The following TREH variants were observed in gnomAD, a reference collection of about 807,000 sequenced individuals.
TREH encodes the protein trehalase, also known as alpha,alpha-trehalose glucohydrolase.
Under a neutral mutation model 80.5 loss-of-function variants are expected in TREH, and 69 were observed. The ratio of observed to expected loss-of-function variants is 0.86; its 90% confidence interval spans 0.71 to 1.05. TREH has a LOEUF of 1.05. TREH is among the 50% of genes least tolerant of loss of function. The pLI is 0.00. For missense variants in TREH, 716 were observed against 718.8 expected (o/e 1.00, Z 0.04); for synonymous variants, 309 against 293.5 (o/e 1.05, Z -0.54).
chr11:118,659,329 C>A (rs782087146), intron 12 of TREH, 41 bp downstream of exon 12: 1 of 1,478,990 alleles, frequency 6.8e-7, no homozygotes, highest in South Asian at 1.3e-5. Context: ...ACCTCTACAC[C>A]CTGGGAAGGG....
In TREH at chr11:118,659,221, TAA is replaced by T. The variant is rs1304734828; in HGVS notation, c.1432+147_1432+148del. 7.2e-6 allele frequency: 6 copies of T among 828,762 alleles called. No homozygotes were observed. In the African/African-American group the frequency reaches 1.0e-4, roughly 14 times the overall value. The allele number at this position is 828,762 out of a possible 1,614,324, so 51.3% of individuals were successfully genotyped here. A position where few individuals can be genotyped will look rare whatever the true frequency, so the allele number is the denominator to read the frequency against. On this transcript the variant is annotated intron_variant, in intron 12 of 14. Transcript: ENST00000264029. ...TTGCACTGGACAGGCTGGGTGGACATAAGTGTCAAGTGGAGGCCAGGAGAGCA... is the reference window on the plus strand; with the variant it reads ...TTGCACTGGACAGGCTGGGTGGACATGTGTCAAGTGGAGGCCAGGAGAGCA...
intron 1 of TREH, among the ~76,000 whole-genome samples, chr11:118,677,679 T>C (rs1205685348): frequency 2.6e-5 from 4 of 152,120 alleles, no homozygotes; most frequent in African/African-American, 9.7e-5. Flanking sequence ...GAGCCGAGAT[T>C]GCACCACTGC....
rs1555145361 is a variant in TREH, at chr11:118,663,356, G to A, written c.173C>T (p.Pro58Leu). ...YQDDKQFVDM[P>L]LSIAPEQVLQ... Reference sequence around the variant, plus strand: ...TGCTTCACCTGGAGCTATAGACAGTGGCATGTCCACAAACTGCTTGTCATC... The same window carrying A: ...TGCTTCACCTGGAGCTATAGACAGTAGCATGTCCACAAACTGCTTGTCATC... The change falls in exon 2 of 15, where the codon CCA (proline) becomes CTA (leucine). Residue 58 changes from proline to leucine, a missense_variant. Physicochemically the swap from Pro to Leu is moderately conservative, Grantham distance 98. Transcript: ENST00000264029. 1 of 1,593,670 alleles carries A rather than the reference G, an allele frequency of 6.3e-7. No individual in the cohort carries two copies. Among genetic ancestry groups the A allele is most frequent in the Non-Finnish European group, 8.5e-7 (1 of 1,170,004 alleles).
At chr11:118,673,335 G>A (rs146977986) in intron 1 of TREH, among the ~76,000 whole-genome samples, 1 of 152,254 alleles carries the variant, frequency 6.6e-6, no homozygotes, top group African/African-American at 2.4e-5. Context: ...GTCTACTCTT[G>A]TCAGGACCCA....
chr11:118,667,008 G>A (rs868951411), intron 1 of TREH, among the ~76,000 whole-genome samples: 42 of 151,736 alleles, frequency 2.8e-4, no homozygotes, highest in African/African-American at 9.9e-4. Flanking sequence ...TCAGCCTCCC[G>A]AGTAGCTGGG....
chr11:118,667,071 G>A (rs1949384610), intron 1 of TREH, among the ~76,000 whole-genome samples: 1 of 151,954 alleles, frequency 6.6e-6, no homozygotes, highest in African/African-American at 2.4e-5. Flanking sequence ...TAATAGAGAT[G>A]GGGTTTCTCT....
At chr11:118,677,441 C>T (rs962238501) in intron 1 of TREH, among the ~76,000 whole-genome samples, 4 of 152,114 alleles carry the variant, frequency 2.6e-5, no homozygotes, top group African/African-American at 7.2e-5. Context: ...AAACCATAAT[C>T]AAGGCTGGGC....
chr11:118,665,436 G>A (rs1312704581), intron 1 of TREH, among the ~76,000 whole-genome samples: 2 of 152,040 alleles, frequency 1.3e-5, no homozygotes, highest in Admixed American at 1.3e-4. Flanking sequence ...TCAGGAGAAC[G>A]AGACCTTCCT....
At chr11:118,664,447 C>T (rs1949358393) in intron 1 of TREH, among the ~76,000 whole-genome samples, 1 of 152,216 alleles carries the variant, frequency 6.6e-6, no homozygotes, top group African/African-American at 2.4e-5. Flanking sequence ...CAGTGAAAAA[C>T]TGAACTATTA....
At chr11:118,660,937 C>A in intron 8 of TREH, 22 bp from the exon 9 acceptor site, 1 of 1,565,112 alleles carries the variant, frequency 6.4e-7, no homozygotes. Context: ...GAGAGGTGGG[C>A]AGCCTGGCAC....
At chr11:118,664,311 A>C (rs1949356684) in intron 1 of TREH, among the ~76,000 whole-genome samples, 1 of 152,208 alleles carries the variant, frequency 6.6e-6, no homozygotes, top group Admixed American at 6.5e-5. Context: ...AGGTAAGAAC[A>C]AATCACCTCA....
chr11:118,676,365 C>G (rs1949478804), intron 1 of TREH, among the ~76,000 whole-genome samples: 1 of 152,162 alleles, frequency 6.6e-6, no homozygotes. Flanking sequence ...CCTAGCTATT[C>G]AGGAGGCCAA....
chr11:118,664,844 C>A (rs782303868), intron 1 of TREH, among the ~76,000 whole-genome samples: 1 of 152,204 alleles, frequency 6.6e-6, no homozygotes, highest in Admixed American at 6.5e-5. Flanking sequence ...CACAGTGGCT[C>A]ATGCCTGTAA....
At position 118,674,677 on chromosome 11, in the gene TREH, G is replaced by T. The variant is rs2137286902; in HGVS notation, c.89+4862C>A. ...CCTGCCTCAGCCTCCTGAGTAGATG[G>T]GATTACAGGTGCGCACCACCACACC... On this transcript the variant is annotated intron_variant, in intron 1 of 14. Transcript: ENST00000264029. This position sits in a 1 kb window ranked among gnomAD's most constrained non-coding sequence, Gnocchi z 4.4. Among the ~76,000 whole-genome samples the T allele has an allele frequency of 6.6e-6, 1 of 152,216 alleles. No individual in the cohort carries two copies. The highest frequency in any genetic ancestry group is 1.9e-4 in the East Asian group (1 of 5,180).
At chr11:118,658,515 C>T (rs1949251468) in intron 14 of TREH, 74 bp from the exon 15 acceptor site, 2 of 1,552,536 alleles carry the variant, frequency 1.3e-6, no homozygotes, top group African/African-American at 2.7e-5. Context: ...GGGCTCTCTC[C>T]CCAGGGGCAC....
At chr11:118,666,242 A>T (rs1465220127) in intron 1 of TREH, among the ~76,000 whole-genome samples, 2 of 150,982 alleles carry the variant, frequency 1.3e-5, no homozygotes, top group Non-Finnish European at 2.9e-5. Flanking sequence ...CAAAAAAAAA[A>T]AATAAATAAA....
chr11:118,668,807 G>A (rs182940166), intron 1 of TREH, among the ~76,000 whole-genome samples: 4 of 152,086 alleles, frequency 2.6e-5, no homozygotes, highest in African/African-American at 9.6e-5. Flanking sequence ...AGGCGTGGTG[G>A]TGCATGCCTG....
chr11:118,661,480 A>G lies in TREH; in HGVS notation c.647T>C (p.Val216Ala). 1 of 1,613,710 alleles carries G rather than the reference A, an allele frequency of 6.2e-7. No homozygotes were observed. The highest frequency in any genetic ancestry group is 8.5e-7 in the Non-Finnish European group (1 of 1,179,774). Residue 216 changes from valine to alanine, a missense_variant, in exon 7 of 15, where the codon GTG (valine) becomes GCG (alanine). Coordinates refer to ENST00000264029, the MANE Select transcript of TREH (RefSeq NM_007180.3). The surrounding 1 kb of genome is among the most constrained non-coding windows in gnomAD (Gnocchi z 4.2). ...TYGHVPNGGR[V>A]YYLQRSQPPL... ...GGGCTGGCTCCGCTGCAGGTAGTAC[A>G]CGCGCCCACCATTGGGGACATGCCC...
rs377434501 is a variant in TREH at position 118,661,840 on chromosome 11, A to G, written c.524+50T>C. 1.9e-6 allele frequency: 3 copies of G among 1,578,920 alleles called. No individual in the cohort carries two copies. Among genetic ancestry groups the G allele is most frequent in the Admixed American group, 1.8e-5 (1 of 54,102 alleles). ...CACCCTGCTGGCCCTGGGTTTCTCCACCACTGCCAGTCCTGCAGGCCCCTT... is the reference window on the plus strand; with the variant it reads ...CACCCTGCTGGCCCTGGGTTTCTCCGCCACTGCCAGTCCTGCAGGCCCCTT... On this transcript the variant is annotated intron_variant, in intron 5 of 14. Transcript: ENST00000264029. The surrounding 1 kb of genome is among the most constrained non-coding windows in gnomAD (Gnocchi z 4.2).
Sources: gnomAD v4.1 joint callset for allele counts (sites outside exome capture counted in the v4.1 genomes callset) on GRCh38, gnomAD v4.1.1 for gene constraint, Gnocchi (gnomAD v3.1) non-coding constraint, MANE v1.5 for transcripts, NCBI Gene and HGNC (gene_info 2026-07-23, HGNC 2026-07-21) for gene names.